Variants in NUAK1 observed in about 807,000 individuals in gnomAD.
The protein encoded by NUAK1 is NUAK family SNF1-like kinase 1.
NUAK1 carries 26 observed loss-of-function variants against 56.9 expected under a neutral mutation model. That is an observed-to-expected ratio of 0.46 (90% CI 0.33 to 0.63). The LOEUF (loss-of-function observed/expected upper bound fraction) is 0.63, where lower values mean the gene tolerates loss of function less well. Among genes scored for constraint, NUAK1 ranks in the 30% least tolerant of loss-of-function variants. The probability of loss-of-function intolerance (pLI) is 0.02; values close to 1 mark genes in which losing one functional copy is unlikely to be tolerated. For synonymous variants in NUAK1, 337 were observed against 336.0 expected (o/e 1.00, Z -0.03); for missense variants, 727 against 876.1 (o/e 0.83, Z 2.15).
In NUAK1 at chr12:106,066,024, C is replaced by CA. The variant is rs2032333760; in HGVS notation, c.*777dup. 1 of 152,240 alleles carries CA rather than the reference C, an allele frequency of 6.6e-6. No homozygotes were observed. Among genetic ancestry groups the CA allele is most frequent in the Admixed American group, 6.5e-5 (1 of 15,278 alleles). The allele number at this position is 152,240 out of a possible 1,614,324, so 9.4% of individuals were successfully genotyped here. ...CCATGGGCTGACTCTATGTCCTTAG[C>CA]AGAGTTCAGAGCATTCTCTCTCTGA... On this transcript the variant is annotated 3_prime_UTR_variant, in exon 7 of 7. Coordinates refer to ENST00000261402, the MANE Select transcript of NUAK1 (RefSeq NM_014840.3).
chr12:106,130,334 G>C (rs2033064891), intron 1 of NUAK1, among the ~76,000 whole-genome samples: 1 of 152,162 alleles, frequency 6.6e-6, no homozygotes, highest in African/African-American at 2.4e-5. Flanking sequence ...GATTATTCCA[G>C]ATGTCTGAAT....
rs767695462 is a variant in NUAK1 at position 106,066,908 on chromosome 12, C to T, written c.1880G>A (p.Arg627Gln). 1.2e-5 allele frequency: 20 copies of T among 1,614,114 alleles called. No individual in the cohort carries two copies. Among genetic ancestry groups the T allele is most frequent in the South Asian group, 9.9e-5 (9 of 91,090 alleles). ...QNRPRPQYLK[R>Q]YRNRLADSSF... Reference sequence around the variant, plus strand: ...GCTGTCTGCCAGCCGGTTCCGGTACCGCTTCAGGTACTGGGGCCGGGGCCG... The same window carrying T: ...GCTGTCTGCCAGCCGGTTCCGGTACTGCTTCAGGTACTGGGGCCGGGGCCG... Residue 627 changes from arginine (R) to glutamine (Q), a missense_variant, in exon 7 of 7, where the codon CGG becomes CAG. Arg to Gln is a conservative substitution (Grantham distance 43). Transcript: ENST00000261402.
At chr12:106,085,165 G>C (rs923689872) in intron 3 of NUAK1, among the ~76,000 whole-genome samples, 2 of 152,300 alleles carry the variant, frequency 1.3e-5, no homozygotes, top group Middle Eastern at 3.4e-3. Context: ...TTACATTGCT[G>C]CATTCCTGGT....
At chr12:106,089,468 A>G (rs2032612264) in intron 2 of NUAK1, among the ~76,000 whole-genome samples, 1 of 152,200 alleles carries the variant, frequency 6.6e-6, no homozygotes, top group East Asian at 1.9e-4. Context: ...GCTTCCATCA[A>G]TCAGTCCTAC....
At chr12:106,136,704 G>A (rs1019694363) in intron 1 of NUAK1, among the ~76,000 whole-genome samples, 2 of 152,140 alleles carry the variant, frequency 1.3e-5, no homozygotes, top group African/African-American at 2.4e-5. Flanking sequence ...CTCGAACTGC[G>A]TCTGTTTTTC....
At chr12:106,086,589 G>A (rs1016004028) in intron 3 of NUAK1, 145 bp downstream of exon 3, 46 of 737,246 alleles carry the variant, frequency 6.2e-5, no homozygotes, top group Admixed American at 2.5e-4. Flanking sequence ...CCAGAATCAC[G>A]GGTGATGGTA....
intron 4 of NUAK1, among the ~76,000 whole-genome samples, chr12:106,076,924 T>C (rs2032470017): frequency 6.6e-6 from 1 of 152,136 alleles, no homozygotes; most frequent in African/African-American, 2.4e-5. Context: ...TAGAGATGGA[T>C]GATGGTAATG....
intron 1 of NUAK1, among the ~76,000 whole-genome samples, chr12:106,122,491 C>T (rs1390402911): frequency 2.6e-5 from 4 of 152,158 alleles, no homozygotes; most frequent in South Asian, 2.1e-4. Context: ...CTTAGACTAT[C>T]GCCTGGCATG....
intron 1 of NUAK1, among the ~76,000 whole-genome samples, chr12:106,118,438 A>G (rs922100024): frequency 1.3e-5 from 2 of 152,332 alleles, no homozygotes; most frequent in South Asian, 2.1e-4. Context: ...TGGCATTGTG[A>G]TGCTTCCTTT....
In NUAK1 at chr12:106,076,198, T is replaced by C. The variant is rs1381605317; in HGVS notation, c.580-3355A>G. 3.3e-5 allele frequency among the ~76,000 whole-genome samples: 5 copies of C among 152,312 alleles called. No homozygotes were observed. The East Asian group carries it at 9.6e-4, about 29-fold the overall frequency. On this transcript the variant is annotated intron_variant, in intron 4 of 6. Coordinates refer to ENST00000261402, the MANE Select transcript of NUAK1 (RefSeq NM_014840.3). ...TGACCTGAAAGAGCCCTAACAGATG[T>C]TAATCCTGCCCCTCGCTCTAAAAGT...
At chr12:106,081,532 C>T (rs1351300516) in intron 4 of NUAK1, among the ~76,000 whole-genome samples, 1 of 152,200 alleles carries the variant, frequency 6.6e-6, no homozygotes, top group African/African-American at 2.4e-5. Context: ...TGCTCTTTCC[C>T]TCCATCATGC....
At chr12:106,106,610 A>C in intron 1 of NUAK1, 85 bp from the exon 2 acceptor site, 1 of 1,408,034 alleles carries the variant, frequency 7.1e-7, no homozygotes, top group Non-Finnish European at 9.6e-7. Flanking sequence ...ATAAATACAG[A>C]TGTTACTTGT....
intron 4 of NUAK1, among the ~76,000 whole-genome samples, chr12:106,082,924 G>A (rs1289976489): frequency 2.6e-5 from 4 of 152,162 alleles, no homozygotes; most frequent in Non-Finnish European, 5.9e-5. Flanking sequence ...GCCAATTGGA[G>A]GGCTCCTGCT....
intron 2 of NUAK1, chr12:106,103,169 C>G (rs7131912): frequency 0.55 from 82,961 of 152,054 alleles, 23,577 homozygotes; most frequent in African/African-American, 0.73. Flanking sequence ...CAAGGCCACA[C>G]AGGGCATGGT....
At chr12:106,090,333 T>C (rs2032623064) in intron 2 of NUAK1, among the ~76,000 whole-genome samples, 1 of 152,162 alleles carries the variant, frequency 6.6e-6, no homozygotes, top group South Asian at 2.1e-4. Context: ...AGAAGATTTC[T>C]AGATTTCAAG....
chr12:106,122,216 A>T (rs1026520500), intron 1 of NUAK1, among the ~76,000 whole-genome samples: 1 of 152,178 alleles, frequency 6.6e-6, no homozygotes, highest in African/African-American at 2.4e-5. Context: ...GGCATTTCAT[A>T]AGTATACTGG....
At chr12:106,093,043 G>A (rs1038503893) in intron 2 of NUAK1, among the ~76,000 whole-genome samples, 4 of 152,188 alleles carry the variant, frequency 2.6e-5, no homozygotes, top group African/African-American at 9.6e-5. Context: ...AGTTGCTTTC[G>A]AGTTGGAAAT....
At chr12:106,131,170 T>A (rs1391230907) in intron 1 of NUAK1, among the ~76,000 whole-genome samples, 2 of 152,100 alleles carry the variant, frequency 1.3e-5, no homozygotes, top group African/African-American at 4.8e-5. Context: ...AGCCCCCCCC[T>A]TTTTAAGTTA....
intron 1 of NUAK1, among the ~76,000 whole-genome samples, chr12:106,135,201 G>A (rs1374489060): frequency 6.6e-6 from 1 of 152,240 alleles, no homozygotes; most frequent in African/African-American, 2.4e-5. Flanking sequence ...GTAGGGGATA[G>A]ATCAAGGATT....
Sources: allele counts gnomAD v4.1 joint callset (sites outside exome capture counted in the v4.1 genomes callset), GRCh38; gene constraint gnomAD v4.1.1; transcripts MANE v1.5; gene names NCBI Gene and HGNC (gene_info 2026-07-23, HGNC 2026-07-21).